The following NAV3 variants were observed in gnomAD, a reference collection of about 807,000 sequenced individuals.
NAV3 encodes pore membrane and/or filament interacting like protein 1.
Under a neutral mutation model 244.7 loss-of-function variants are expected in NAV3, and 87 were observed. The ratio of observed to expected loss-of-function variants is 0.36; its 90% CI spans 0.30 to 0.42. NAV3 has a LOEUF of 0.42. NAV3 is among the 20% of genes least tolerant of loss of function. The pLI, the probability that NAV3 is intolerant of heterozygous loss-of-function variation, is 1.00. For synonymous variants in NAV3, 1,126 were observed against 1,042.2 expected, an observed-to-expected ratio of 1.08 and a Z score of -1.55; for missense variants, 2,663 against 2,893.3, an observed-to-expected ratio of 0.92 and a Z score of 1.83.
chr12:78,086,681 A>G (rs964294751), intron 12 of NAV3, among the ~76,000 whole-genome samples: 3 of 152,028 alleles, frequency 2.0e-5, no homozygotes, highest in Non-Finnish European at 4.4e-5. Flanking sequence ...CACTTTGCCA[A>G]CCTTGGAAGT....
chr12:78,209,126 G>A (rs776581600), intron 39 of NAV3, among the ~76,000 whole-genome samples: 1 of 152,024 alleles, frequency 6.6e-6, no homozygotes, highest in Non-Finnish European at 1.5e-5. Context: ...TTGAAAATTA[G>A]GTTAAAACAT....
intron 1 of NAV3, among the ~76,000 whole-genome samples, chr12:77,868,192 T>A (rs1424612341): frequency 6.6e-6 from 1 of 150,866 alleles, no homozygotes; most frequent in Non-Finnish European, 1.5e-5. Context: ...AGGGCATATG[T>A]TCCTGTATAT....
At chr12:78,150,073 G>A (rs1297440333) in intron 22 of NAV3, among the ~76,000 whole-genome samples, 1 of 151,900 alleles carries the variant, frequency 6.6e-6, no homozygotes, top group Non-Finnish European at 1.5e-5. Context: ...AGAAAATAAG[G>A]GTATTATTTA....
At chr12:77,931,762 G>C (rs1888822127) in intron 1 of NAV3, among the ~76,000 whole-genome samples, 1 of 152,100 alleles carries the variant, frequency 6.6e-6, no homozygotes, top group Non-Finnish European at 1.5e-5. Context: ...AGCTACTCGG[G>C]AGGCTGAGGC....
chr12:77,972,182 GA>G (rs1248895400), intron 5 of NAV3, among the ~76,000 whole-genome samples: 1 of 149,284 alleles, frequency 6.7e-6, no homozygotes, highest in East Asian at 1.9e-4. Context: ...ATGTGAGCTT[GA>G]GTGTGTGTGT....
intron 2 of NAV3, among the ~76,000 whole-genome samples, chr12:77,812,367 T>G (rs570326472): frequency 2.6e-5 from 4 of 152,310 alleles, no homozygotes; most frequent in Admixed American, 2.6e-4. Flanking sequence ...GATCAAAGAT[T>G]TAATCCCAAT....
intron 2 of NAV3, among the ~76,000 whole-genome samples, chr12:77,683,561 G>A (rs1874570151): frequency 6.6e-6 from 1 of 152,108 alleles, no homozygotes; most frequent in African/African-American, 2.4e-5. Flanking sequence ...CGTGAAAAAT[G>A]TCATTGGAAT....
chr12:78,129,948 A>G (rs868553870), intron 18 of NAV3, among the ~76,000 whole-genome samples: 18 of 152,212 alleles, frequency 1.2e-4, no homozygotes, highest in African/African-American at 4.3e-4. Context: ...CCAAAACCTT[A>G]TATTTTCTAA....
chr12:78,108,565 C>A (rs1954924757), intron 12 of NAV3, among the ~76,000 whole-genome samples: 1 of 152,124 alleles, frequency 6.6e-6, no homozygotes, highest in South Asian at 2.1e-4. Flanking sequence ...GGCCACAAAT[C>A]ATGTCTCAGC....
chr12:78,128,591 A>G, intron 17 of NAV3, 115 bp from the exon 18 acceptor site: 1 of 1,027,892 alleles, frequency 9.7e-7, no homozygotes, highest in Non-Finnish European at 1.4e-6. Context: ...AATTAGATTC[A>G]ATCTGTTTGA....
intron 22 of NAV3, among the ~76,000 whole-genome samples, chr12:78,158,075 T>A (rs2370401): frequency 0.018 from 2,795 of 152,244 alleles, 87 homozygotes; most frequent in African/African-American, 0.062. Context: ...ATTCTTTGTA[T>A]TTTTGTGATC....
At chr12:77,672,707 A>T (rs1874038262) in intron 2 of NAV3, among the ~76,000 whole-genome samples, 2 of 152,094 alleles carry the variant, frequency 1.3e-5, no homozygotes, top group African/African-American at 4.8e-5. Flanking sequence ...GGTGAGGGAT[A>T]AATGACTATA....
intron 9 of NAV3, among the ~76,000 whole-genome samples, chr12:78,048,527 C>T (rs921759101): frequency 1.3e-5 from 2 of 152,278 alleles, no homozygotes; most frequent in East Asian, 1.9e-4. Context: ...ATCCTATTTG[C>T]CTGGGTGTCA....
chr12:77,653,902 C>A (rs1872943082), intron 2 of NAV3, among the ~76,000 whole-genome samples: 1 of 151,902 alleles, frequency 6.6e-6, no homozygotes, highest in South Asian at 2.1e-4. Flanking sequence ...GAAAAAAATT[C>A]TAGTTTTCTT....
intron 1 of NAV3, among the ~76,000 whole-genome samples, chr12:77,898,017 C>T (rs1255838302): frequency 6.6e-6 from 1 of 152,122 alleles, no homozygotes; most frequent in Non-Finnish European, 1.5e-5. Flanking sequence ...TGATGATTTG[C>T]TGCTTTTTTA....
chr12:78,045,528 C>T (rs549520336), intron 9 of NAV3, among the ~76,000 whole-genome samples: 3 of 152,166 alleles, frequency 2.0e-5, no homozygotes, highest in East Asian at 1.9e-4. Flanking sequence ...CTCCTGACCT[C>T]GTGATCTGCC....
chr12:77,724,445 T>C (rs1198608214), intron 2 of NAV3, among the ~76,000 whole-genome samples: 3 of 151,944 alleles, frequency 2.0e-5, no homozygotes, highest in African/African-American at 7.2e-5. Flanking sequence ...AAAAAACATA[T>C]TTAGGCCACT....
chr12:77,612,828 G>T (rs2136826834), intron 2 of NAV3, among the ~76,000 whole-genome samples: 1 of 152,196 alleles, frequency 6.6e-6, no homozygotes, highest in East Asian at 1.9e-4. Flanking sequence ...ATGTGTTGTG[G>T]GAGGGACTTG....
chr12:78,180,209 C>T (rs1039812280), intron 29 of NAV3, among the ~76,000 whole-genome samples: 3 of 152,054 alleles, frequency 2.0e-5, no homozygotes, highest in African/African-American at 7.2e-5. Context: ...AATTCAGAAC[C>T]AGTCTGTGCT....
Sources: allele counts gnomAD v4.1 joint callset (sites outside exome capture counted in the v4.1 genomes callset), GRCh38; gene constraint gnomAD v4.1.1; transcripts MANE v1.5; gene names NCBI Gene and HGNC (gene_info 2026-07-23, HGNC 2026-07-21).